Variants in TTC38 observed in about 807,000 individuals in gnomAD.
TTC38 encodes the protein tetratricopeptide repeat domain 38, also known as tetratricopeptide repeat protein 38.
In TTC38, 64 loss-of-function variants were observed where a neutral mutation model predicts 64.2. The observed-to-expected ratio is 1.00, with a 90% CI of 0.81 to 1.23. The LOEUF is 1.23. Among genes scored for constraint, TTC38 ranks in the 50% most tolerant of loss-of-function variants. The probability of loss-of-function intolerance (pLI) is 0.00; values close to 1 mark genes in which losing one functional copy is unlikely to be tolerated. For missense variants in TTC38, 573 were observed against 615.5 expected (o/e 0.93, Z 0.73); for synonymous variants, 254 against 249.3 (o/e 1.02, Z -0.18).
chr22:46,288,669 G>T, intron 11 of TTC38, 81 bp downstream of exon 11: 1 of 1,386,908 alleles, frequency 7.2e-7, no homozygotes, highest in Non-Finnish European at 9.8e-7. Context: ...GCTGAGACCT[G>T]TTCAGTGCCT....
At position 46,270,083 on chromosome 22, in the gene TTC38, T is replaced by C; in HGVS notation, c.111+1492T>C. 6.6e-6 allele frequency among the ~76,000 whole-genome samples: 1 copy of C among 152,182 alleles called. No individual in the cohort carries two copies. Among genetic ancestry groups the C allele is most frequent in the Non-Finnish European group, 1.5e-5 (1 of 68,036 alleles). The stretch of plus-strand genomic sequence containing the variant: ...CTGGGATTACAGGCGTGAGCCACTG[T>C]GCCCGGCCCCTAGTACTCAGTTTGT... On this transcript the variant is annotated intron_variant, in intron 2 of 13. Transcript: ENST00000381031. The surrounding 1 kb of genome is among the most constrained non-coding windows in gnomAD (Gnocchi z 4.7).
chr22:46,284,027 G>T lies in TTC38; in HGVS notation c.790G>T (p.Glu264Ter). The T allele has an allele frequency of 1.3e-6, 2 of 1,596,904 alleles. No homozygotes were observed. Among genetic ancestry groups the T allele is most frequent in the South Asian group, 1.1e-5 (1 of 90,704 alleles). The change falls in exon 8 of 14, where the codon GAG becomes TAG. Residue 264 changes from glutamate to a stop codon, truncating the protein, a stop_gained. Transcript: ENST00000381031. LOFTEE classifies it high-confidence loss of function. ...TTGGCACTGGGCTTTATATCTGATT[G>T]AGAAGGTAAGGTGACCATCTGTTTG... ...NYWHWALYLI[E>*]KGEYEAALTI...
Position 46,271,298 on chromosome 22 carries a change from T to C in TTC38, c.112-1037T>C, listed in dbSNP as rs1936890872. On this transcript the variant is annotated intron_variant, in intron 2 of 13. Coordinates refer to ENST00000381031, the MANE Select transcript of TTC38 (RefSeq NM_017931.4). This position sits in a 1 kb window ranked among gnomAD's most constrained non-coding sequence, Gnocchi z 5.5. ...CTCTGTCGCCCAGGCTGGAGTGCAG[T>C]GGCGCCTGGGTTCACGCCATTCTCC... Among the ~76,000 whole-genome samples the C allele has an allele frequency of 6.6e-6, 1 of 151,864 alleles. No individual in the cohort carries two copies.
chr22:46,269,012 C>T, intron 2 of TTC38: 3 of 356,676 alleles, frequency 8.4e-6, no homozygotes, highest in Non-Finnish European at 1.7e-5. Context: ...TAAATTGCGC[C>T]ATGACCTTAG....
chr22:46,283,622 C>T (rs1417192526), intron 7 of TTC38, among the ~76,000 whole-genome samples: 2 of 152,112 alleles, frequency 1.3e-5, no homozygotes, highest in African/African-American at 2.4e-5. Flanking sequence ...GAGGCTGAGG[C>T]GGGCGGATCA....
chr22:46,279,515 A>G (rs2077517891), intron 6 of TTC38, among the ~76,000 whole-genome samples: 1 of 152,180 alleles, frequency 6.6e-6, no homozygotes, highest in South Asian at 2.1e-4. Flanking sequence ...CTACCTGGCA[A>G]TGGCTGTCCT....
Position 46,281,245 on chromosome 22 carries a change from A to C in TTC38, c.616-354A>C, listed in dbSNP as rs1043033404. Among the ~76,000 whole-genome samples the C allele has an allele frequency of 1.3e-5, 2 of 152,258 alleles. No homozygotes were observed. Among genetic ancestry groups the C allele is most frequent in the Admixed American group, 1.3e-4 (2 of 15,290 alleles). The stretch of plus-strand genomic sequence containing the variant: ...CAGGCAGGCGGCAGCTGAGGCCCAG[A>C]GAGGGCGGGTATGTTTTGCAAGCAC... On this transcript the variant is annotated intron_variant, in intron 6 of 13. Transcript: ENST00000381031. This position sits in a 1 kb window ranked among gnomAD's most constrained non-coding sequence, Gnocchi z 5.2.
rs1401972816 is a variant in TTC38 at position 46,276,721 on chromosome 22, T to C, written c.539+1300T>C. 7.0e-6 allele frequency among the ~76,000 whole-genome samples: 1 copy of C among 142,516 alleles called. No individual in the cohort carries two copies. Among genetic ancestry groups the C allele is most frequent in the Non-Finnish European group, 1.5e-5 (1 of 66,478 alleles). The allele number at this position is 142,516 out of a possible 152,430, so 93.5% of individuals were successfully genotyped here. A position where few individuals can be genotyped will look rare whatever the true frequency, so the allele number is the denominator to read the frequency against. ...TCTAAAAGAATATATATATTAAAAA[T>C]ATATATATTAAAAAAATATATATAA... On this transcript the variant is annotated intron_variant, in intron 5 of 13. Coordinates refer to ENST00000381031, the MANE Select transcript of TTC38 (RefSeq NM_017931.4). This position sits in a 1 kb window ranked among gnomAD's most constrained non-coding sequence, Gnocchi z 4.7.
intron 6 of TTC38, among the ~76,000 whole-genome samples, chr22:46,279,613 C>T (rs1198644353): frequency 1.3e-5 from 2 of 152,250 alleles, no homozygotes; most frequent in Non-Finnish European, 2.9e-5. Context: ...GCAGCATCCT[C>T]TCTGGGAGAC....
rs6008504 is a variant in TTC38, at chr22:46,283,953, C to T, written c.736-20C>T. On this transcript the variant is annotated intron_variant, in intron 7 of 13. Transcript: ENST00000381031. The stretch of plus-strand genomic sequence containing the variant: ...GGCCTTCAGACTTTTCATAAATTCT[C>T]TTTTTTTTTTTTTCTCCAGGACTCT... 54,513 of 1,312,022 alleles carry T rather than the reference C, an allele frequency of 0.042. 1,993 individuals are homozygous for T. Among genetic ancestry groups the T allele is most frequent in the African/African-American group, 0.26 (16,687 of 65,374 alleles). 81.3% of individuals were successfully genotyped at this position (1,312,022 alleles called of 1,614,324 possible).
intron 6 of TTC38, among the ~76,000 whole-genome samples, chr22:46,279,533 G>T (rs114473025): frequency 0.014 from 2,132 of 152,354 alleles, 41 homozygotes; most frequent in African/African-American, 0.047. Context: ...CCTTTCAGCT[G>T]CCTGCTCCAG....
intron 2 of TTC38, chr22:46,269,093 C>G (rs985410255): frequency 1.9e-5 from 8 of 419,098 alleles, no homozygotes; most frequent in South Asian, 1.0e-4. Flanking sequence ...TCTCTGCCCC[C>G]CCCCCACAGC....
At position 46,273,888 on chromosome 22, in the gene TTC38, C is replaced by T. The variant is rs756841629; in HGVS notation, c.194-10C>T. ...TCTGAACCACCAGCCGTTCTCTAAC[C>T]TCCCACCAGTGATGGGCCACGCCAT... On this transcript the variant is annotated splice_polypyrimidine_tract_variant and intron_variant, in intron 3 of 13. Transcript: ENST00000381031. This position sits in a 1 kb window ranked among gnomAD's most constrained non-coding sequence, Gnocchi z 5.1. The T allele has an allele frequency of 6.2e-7, 1 of 1,614,050 alleles. No individual in the cohort carries two copies. The highest frequency in any genetic ancestry group is 8.5e-7 in the Non-Finnish European group (1 of 1,179,950).
chr22:46,289,229 T>C (rs1380015533), intron 11 of TTC38, among the ~76,000 whole-genome samples, 173 bp from the exon 12 acceptor site: 1 of 151,998 alleles, frequency 6.6e-6, no homozygotes, highest in Non-Finnish European at 1.5e-5. Flanking sequence ...AGCTCTGAGC[T>C]CAGTACCCTG....
In TTC38 at chr22:46,293,065, C is replaced by T. The variant is rs1220519349; in HGVS notation, c.*181C>T. ...TAATTTTAAATGTGATTCCGAATCT[C>T]CTTTCAGTCCTCGAGAAGGGCCAAT... On this transcript the variant is annotated 3_prime_UTR_variant, in exon 14 of 14. Transcript: ENST00000381031. This position sits in a 1 kb window ranked among gnomAD's most constrained non-coding sequence, Gnocchi z 6.6. 1.7e-6 allele frequency: 1 copy of T among 577,226 alleles called. No individual in the cohort carries two copies. The highest frequency in any genetic ancestry group is 2.8e-5 in the Admixed American group (1 of 35,502). 35.8% of individuals were successfully genotyped at this position (577,226 alleles called of 1,614,324 possible).
At position 46,292,032 on chromosome 22, in the gene TTC38, C is replaced by T. The variant is rs2077620151; in HGVS notation, c.1317-759C>T. ...ATGCACTGTCTCACAGTTCTGGAGG[C>T]TGGAATGTCCAGGAACAAGGCCTGG... is the stretch of plus-strand genomic sequence containing the variant. On this transcript the variant is annotated intron_variant, in intron 13 of 13. Coordinates refer to ENST00000381031, the MANE Select transcript of TTC38 (RefSeq NM_017931.4). The surrounding 1 kb of genome is among the most constrained non-coding windows in gnomAD (Gnocchi z 6.5). 6.6e-6 allele frequency among the ~76,000 whole-genome samples: 1 copy of T among 152,200 alleles called. No homozygotes were observed. Among genetic ancestry groups the T allele is most frequent in the Non-Finnish European group, 1.5e-5 (1 of 68,034 alleles).
rs1936868692 is a variant in TTC38, at chr22:46,270,355, C to T, written c.111+1764C>T. Among the ~76,000 whole-genome samples the T allele has an allele frequency of 6.6e-6, 1 of 151,858 alleles. No individual in the cohort carries two copies. The highest frequency in any genetic ancestry group is 1.5e-5 in the Non-Finnish European group (1 of 67,970). On this transcript the variant is annotated intron_variant, in intron 2 of 13. Transcript: ENST00000381031. The surrounding 1 kb of genome is among the most constrained non-coding windows in gnomAD (Gnocchi z 4.7). ...AGTGAGCTGTGATTGTGCCACTGTACTCCATCCTGGGCAACAGAGCAAACC... is the reference window on the plus strand; with the variant it reads ...AGTGAGCTGTGATTGTGCCACTGTATTCCATCCTGGGCAACAGAGCAAACC...
At position 46,281,129 on chromosome 22, in the gene TTC38, A is replaced by G. The variant is rs1437145729; in HGVS notation, c.616-470A>G. Among the ~76,000 whole-genome samples the G allele has an allele frequency of 1.3e-5, 2 of 152,248 alleles. No homozygotes were observed. The highest frequency in any genetic ancestry group is 2.4e-5 in the African/African-American group (1 of 41,464). ...CACATATATGGTAGTGGGAAGAGGCAGTCACAGCCACTGGAGGACTTGATA... is the reference window on the plus strand; with the variant it reads ...CACATATATGGTAGTGGGAAGAGGCGGTCACAGCCACTGGAGGACTTGATA... On this transcript the variant is annotated intron_variant, in intron 6 of 13. Coordinates refer to ENST00000381031, the MANE Select transcript of TTC38 (RefSeq NM_017931.4). The surrounding 1 kb of genome is among the most constrained non-coding windows in gnomAD (Gnocchi z 5.2).
rs765446508 is a variant in TTC38 at position 46,289,857 on chromosome 22, CG to C, written c.1276del (p.Ala426ProfsTer2). On this transcript the variant is annotated frameshift_variant, in exon 13 of 14. Transcript: ENST00000381031. LOFTEE classifies it high-confidence loss of function. Reference sequence around the variant, plus strand: ...GTCTTCAACCAGCTGCTGATTCACGCGGCCTTAAACTGCACCTCCAGCGTCC... The same window carrying C: ...GTCTTCAACCAGCTGCTGATTCACGCGCCTTAAACTGCACCTCCAGCGTCC... ...RDVFNQLLIH[A>X]ALNCTSSVHK... 1.3e-5 allele frequency: 21 copies of C among 1,614,066 alleles called. No individual in the cohort carries two copies. Among genetic ancestry groups the C allele is most frequent in the Non-Finnish European group, 1.7e-5 (20 of 1,180,024 alleles).
Sources: gnomAD v4.1 joint callset for allele counts (sites outside exome capture counted in the v4.1 genomes callset) on GRCh38, gnomAD v4.1.1 for gene constraint, Gnocchi (gnomAD v3.1) non-coding constraint, MANE v1.5 for transcripts, NCBI Gene and HGNC (gene_info 2026-07-23, HGNC 2026-07-21) for gene names.